The following GLIS3 variants were observed in gnomAD, a reference collection of about 807,000 sequenced individuals.
GLIS3 encodes zinc finger protein GLIS3.
GLIS3 carries 53 observed loss-of-function variants against 78.6 expected under a neutral mutation model. The observed-to-expected ratio is 0.67, with a 90% CI of 0.54 to 0.85. The LOEUF (loss-of-function observed/expected upper bound fraction) is 0.85. Ranked by LOEUF, GLIS3 falls within the 40% of genes least tolerant of loss-of-function variation. The pLI is 0.00. For missense variants in GLIS3, 1,703 were observed against 1,231.1 expected (o/e 1.38, Z -5.74); for synonymous variants, 684 against 509.9 (o/e 1.34, Z -4.60).
At chr9:3,991,033 G>A in intron 4 of GLIS3, among the ~76,000 whole-genome samples, 1 of 152,186 alleles carries the variant, frequency 6.6e-6, no homozygotes, top group Non-Finnish European at 1.5e-5. Context: ...AACTTGACAA[G>A]CACCTTAGAG....
chr9:4,034,708 A>G (rs1008547997), intron 4 of GLIS3: 5 of 152,214 alleles, frequency 3.3e-5, no homozygotes, highest in African/African-American at 1.2e-4. Context: ...TTTTGACAGT[A>G]TCTGCCTTTC....
upstream of GLIS3, among the ~76,000 whole-genome samples, chr9:4,300,590 T>TA (rs1440866148): frequency 6.6e-6 from 1 of 152,102 alleles, no homozygotes; most frequent in Admixed American, 6.5e-5. Context: ...ATGGAAGTGT[T>TA]AGAAGGGTAT....
intron 1 of GLIS3, chr9:4,298,616 C>T (rs1587360874): frequency 4.6e-6 from 1 of 218,636 alleles, no homozygotes; most frequent in Non-Finnish European, 9.5e-6. Context: ...TGGAGCCGCG[C>T]GCAGGACAAC....
intron 9 of GLIS3, among the ~76,000 whole-genome samples, chr9:3,852,139 C>T (rs1234750735): frequency 6.7e-6 from 1 of 149,426 alleles, no homozygotes; most frequent in Admixed American, 6.7e-5. Context: ...AGTGAGACTA[C>T]GTTCCAAAAG....
intron 4 of GLIS3, among the ~76,000 whole-genome samples, chr9:4,057,873 C>T (rs138728182): frequency 0.016 from 2,494 of 152,204 alleles, 27 homozygotes; most frequent in Middle Eastern, 0.041. Context: ...AAGATGTACA[C>T]GGCCTCGCTA....
intron 2 of GLIS3, among the ~76,000 whole-genome samples, chr9:4,215,936 G>A (rs900796605): frequency 6.6e-6 from 1 of 152,080 alleles, no homozygotes; most frequent in African/African-American, 2.4e-5. Context: ...AACTAAAAAA[G>A]CTGATTCTAA....
chr9:3,950,037 C>A (rs1319779170), intron 4 of GLIS3, among the ~76,000 whole-genome samples: 1 of 152,232 alleles, frequency 6.6e-6, no homozygotes, highest in Non-Finnish European at 1.5e-5. Context: ...TCCCCCAGAG[C>A]CTTCACTGCC....
intron 4 of GLIS3, among the ~76,000 whole-genome samples, chr9:3,989,458 A>C (rs1338758243): frequency 6.6e-6 from 1 of 152,254 alleles, no homozygotes; most frequent in Non-Finnish European, 1.5e-5. Context: ...TAGCAGCTTT[A>C]CTTGTAATAG....
At chr9:3,846,496 C>G (rs555225110) in intron 9 of GLIS3, among the ~76,000 whole-genome samples, 1 of 152,326 alleles carries the variant, frequency 6.6e-6, no homozygotes, top group East Asian at 1.9e-4. Context: ...CAGGCATTCT[C>G]TCATTCTTGT....
chr9:4,250,642 G>C (rs545375800), intron 2 of GLIS3, among the ~76,000 whole-genome samples: 2 of 152,138 alleles, frequency 1.3e-5, no homozygotes, highest in East Asian at 1.9e-4. Context: ...GTTATTTCTT[G>C]TCTGCTGCTA....
At chr9:4,385,137 G>T in the GLIS3 span, among the ~76,000 whole-genome samples, 89 of 152,326 alleles carry the variant, frequency 5.8e-4, no homozygotes, top group African/African-American at 2.0e-3. Flanking sequence ...TGTACACAGT[G>T]AACTCTTAGC....
At chr9:4,040,473 C>A (rs752983188) in intron 4 of GLIS3, among the ~76,000 whole-genome samples, 4 of 152,080 alleles carry the variant, frequency 2.6e-5, no homozygotes, top group Non-Finnish European at 4.4e-5. Flanking sequence ...AGGAAGACAT[C>A]CCCGCTGATA....
chr9:4,160,335 T>G (rs554400496), intron 2 of GLIS3, among the ~76,000 whole-genome samples: 2 of 152,218 alleles, frequency 1.3e-5, no homozygotes, highest in Non-Finnish European at 2.9e-5. Flanking sequence ...ATGCCAAGTG[T>G]GACTGCACTG....
chr9:4,116,695 C>T (rs1225952128), intron 4 of GLIS3, among the ~76,000 whole-genome samples: 4 of 152,148 alleles, frequency 2.6e-5, no homozygotes, highest in African/African-American at 4.8e-5. Flanking sequence ...AGAAGGAACT[C>T]GGGCTGGGGA....
At chr9:4,343,552 C>T (rs1247326728) in intron 2 of GLIS3, among the ~76,000 whole-genome samples, 1 of 152,186 alleles carries the variant, frequency 6.6e-6, no homozygotes, top group Non-Finnish European at 1.5e-5. Context: ...ACCCAGCAAT[C>T]CCATTACTTG....
intron 4 of GLIS3, among the ~76,000 whole-genome samples, chr9:4,057,445 C>G (rs1826240309): frequency 1.3e-5 from 2 of 151,858 alleles, no homozygotes; most frequent in African/African-American, 4.8e-5. Flanking sequence ...AGCACAAAAA[C>G]AGGTAACAAT....
intron 2 of GLIS3, among the ~76,000 whole-genome samples, chr9:4,176,979 T>C (rs1403024477): frequency 1.3e-5 from 2 of 152,236 alleles, no homozygotes; most frequent in Non-Finnish European, 2.9e-5. Flanking sequence ...AATGCAGTTA[T>C]TGGGTTATGT....
In GLIS3 at chr9:3,977,735, G is replaced by C. The variant is rs1417496318; in HGVS notation, c.1711-40546C>G. ...TTCTTTTATACAAGTACATATTTCA[G>C]AAGTTTGCAAGGCATTCATCTTGAC... On this transcript the variant is annotated intron_variant, in intron 4 of 10. Transcript: ENST00000381971. The surrounding 1 kb of genome is among the most constrained non-coding windows in gnomAD (Gnocchi z 4.1). Among the ~76,000 whole-genome samples the C allele has an allele frequency of 6.6e-6, 1 of 152,162 alleles. No homozygotes were observed. The highest frequency in any genetic ancestry group is 6.5e-5 in the Admixed American group (1 of 15,278).
intron 9 of GLIS3, among the ~76,000 whole-genome samples, chr9:3,839,652 G>C (rs1319539895): frequency 1.3e-5 from 2 of 151,698 alleles, no homozygotes; most frequent in East Asian, 1.9e-4. Context: ...CCATGTTTCA[G>C]AACCAGGACT....
Sources: gnomAD v4.1 joint callset for allele counts (sites outside exome capture counted in the v4.1 genomes callset) on GRCh38, gnomAD v4.1.1 for gene constraint, Gnocchi (gnomAD v3.1) non-coding constraint, MANE v1.5 for transcripts, NCBI Gene and HGNC (gene_info 2026-07-23, HGNC 2026-07-21) for gene names.